Variants in ZNF813 observed in about 807,000 individuals in gnomAD.
ZNF813 encodes zinc finger protein 813.
ZNF813 carries 3 observed loss-of-function variants against 7.2 expected under a neutral mutation model. The ratio of observed to expected loss-of-function variants is 0.42; its 90% CI spans 0.19 to 1.08. The LOEUF (loss-of-function observed/expected upper bound fraction) is 1.08. Among genes scored for constraint, ZNF813 ranks in the 50% least tolerant of loss-of-function variants. ZNF813 has a pLI of 0.30. For missense variants in ZNF813, 714 were observed against 753.3 expected, an observed-to-expected ratio of 0.95 and a Z score of 0.61; for synonymous variants, 227 against 256.3, an observed-to-expected ratio of 0.89 and a Z score of 1.09.
At position 53,486,633 on chromosome 19, in the gene ZNF813, G is replaced by A. The variant is rs1476930524; in HGVS notation, c.17G>A (p.Gly6Asp). ...CCTTAAAATGTGTTTTCATTTCAGGGTCTATTGACATTCAGGGATGTGGCC... is the reference window on the plus strand; with the variant it reads ...CCTTAAAATGTGTTTTCATTTCAGGATCTATTGACATTCAGGGATGTGGCC... MALPQ[G>D]LLTFRDVAIE... The change falls in exon 3 of 4, where the codon GGT becomes GAT. Residue 6 changes from glycine to aspartate, a missense_variant and splice_region_variant. Gly to Asp is a moderately conservative substitution (Grantham distance 94). Transcript: ENST00000396403. The A allele has an allele frequency of 1.2e-6, 2 of 1,613,988 alleles. No individual in the cohort carries two copies. The highest frequency in any genetic ancestry group is 1.7e-5 in the Admixed American group (1 of 60,012).
rs888471229 is a variant in ZNF813 at position 53,496,087 on chromosome 19, A to G, written c.*4001A>G. The G allele has an allele frequency of 3.0e-5, 8 of 268,060 alleles. No individual in the cohort carries two copies. Among genetic ancestry groups the G allele is most frequent in the South Asian group, 4.9e-5 (1 of 20,438 alleles). 16.6% of individuals were successfully genotyped at this position (268,060 alleles called of 1,614,324 possible). On this transcript the variant is annotated 3_prime_UTR_variant, in exon 4 of 4. Coordinates refer to ENST00000396403, the MANE Select transcript of ZNF813 (RefSeq NM_001004301.4). ...ATATTTATGCTGTGTGAGCATTACA[A>G]TCGCGTTACCATATCAAGCTGAAAA...
At chr19:53,479,091 C>T (rs1311928639) in intron 1 of ZNF813, among the ~76,000 whole-genome samples, 1 of 152,050 alleles carries the variant, frequency 6.6e-6, no homozygotes, top group Admixed American at 6.5e-5. Context: ...CACGCCACCA[C>T]ACCAGGCCAA....
At position 53,469,676 on chromosome 19, in the gene ZNF813, G is replaced by A. The variant is rs557835900; in HGVS notation, c.-74+1887G>A. ...GGCAGCAAAGAGGGAGGCTCATCAG[G>A]GTGAGGGAGAGGAGGAGGGATTTGG... is the stretch of plus-strand genomic sequence containing the variant. On this transcript the variant is annotated intron_variant, in intron 1 of 3. Transcript: ENST00000396403. Among the ~76,000 whole-genome samples, 302 of 151,762 alleles carry A rather than the reference G, an allele frequency of 2.0e-3. 1 individual carries two copies. Among genetic ancestry groups the A allele is most frequent in the Admixed American group, 4.5e-3 (68 of 15,184 alleles).
intron 3 of ZNF813, 126 bp downstream of exon 3, chr19:53,486,884 C>A: frequency 6.6e-7 from 1 of 1,519,032 alleles, no homozygotes. Context: ...TCATGGCTCA[C>A]TGCGATCTTG....
At chr19:53,481,156 C>T (rs1250762417) in intron 1 of ZNF813, among the ~76,000 whole-genome samples, 13 of 152,028 alleles carry the variant, frequency 8.6e-5, no homozygotes, top group Admixed American at 8.5e-4. Context: ...AAGATACAAT[C>T]ATTTTATGAG....
Position 53,483,212 on chromosome 19 carries a change from AT to A in ZNF813, c.-73-533del, listed in dbSNP as rs578100610. ...GGCACGAGCCACCGTGCCCGGCTCA[AT>A]TTTTGTATTTTTAGTAGAGACAGGG... On this transcript the variant is annotated intron_variant, in intron 1 of 3. Coordinates refer to ENST00000396403, the MANE Select transcript of ZNF813 (RefSeq NM_001004301.4). Among the ~76,000 whole-genome samples the A allele has an allele frequency of 4.0e-3, 605 of 150,922 alleles. 3 individuals carry two copies. The highest frequency in any genetic ancestry group is 0.014 in the African/African-American group (571 of 40,978).
intron 1 of ZNF813, among the ~76,000 whole-genome samples, chr19:53,478,271 G>C (rs1290813035): frequency 6.6e-6 from 1 of 152,092 alleles, no homozygotes; most frequent in Non-Finnish European, 1.5e-5. Context: ...CTGGGCTTAA[G>C]CGATCCTCCT....
chr19:53,486,901 T>C, intron 3 of ZNF813, 143 bp downstream of exon 3: 2 of 1,490,984 alleles, frequency 1.3e-6, no homozygotes, highest in East Asian at 4.7e-5. Context: ...CTTGAATTCC[T>C]GGGCTCAAGT....
intron 1 of ZNF813, among the ~76,000 whole-genome samples, chr19:53,469,721 G>A (rs971822287): frequency 2.5e-5 from 1 of 40,020 alleles, no homozygotes; most frequent in African/African-American, 8.5e-5. Flanking sequence ...AGACAGAGCA[G>A]AGTGGTGCTG....
At position 53,495,971 on chromosome 19, in the gene ZNF813, A is replaced by G; in HGVS notation, c.*3885A>G. On this transcript the variant is annotated 3_prime_UTR_variant, in exon 4 of 4. Transcript: ENST00000396403. ...CATTCCCCCAGTGGATTCAGATCAA[A>G]ACTGGTAATAAAATCAGGTACGACT... The G allele has an allele frequency of 2.7e-6, 1 of 373,454 alleles. No individual in the cohort carries two copies. The highest frequency in any genetic ancestry group is 5.2e-6 in the Non-Finnish European group (1 of 192,942). The allele number at this position is 373,454 out of a possible 1,614,324, so 23.1% of individuals were successfully genotyped here. A position where few individuals can be genotyped will look rare whatever the true frequency, so the allele number is the denominator to read the frequency against.
intron 2 of ZNF813, among the ~76,000 whole-genome samples, chr19:53,485,565 T>C (rs557402208): frequency 1.9e-4 from 25 of 131,658 alleles, no homozygotes; most frequent in South Asian, 1.0e-3. Flanking sequence ...TGTCATGACA[T>C]ATATACATGT....
chr19:53,471,376 T>C (rs2086358183), intron 1 of ZNF813, among the ~76,000 whole-genome samples: 1 of 152,166 alleles, frequency 6.6e-6, no homozygotes, highest in African/African-American at 2.4e-5. Context: ...TCTGGAGTCA[T>C]CTTTGCCTTG....
In ZNF813 at chr19:53,492,989, C is replaced by T; in HGVS notation, c.*903C>T. Reference sequence around the variant, plus strand: ...TCATCAGTGTGGCAAGGTTTTCAGTCTGACTTCACTCCTTGCAGAATATCA... The same window carrying T: ...TCATCAGTGTGGCAAGGTTTTCAGTTTGACTTCACTCCTTGCAGAATATCA... On this transcript the variant is annotated 3_prime_UTR_variant, in exon 4 of 4. Transcript: ENST00000396403. 1 of 454,252 alleles carries T rather than the reference C, an allele frequency of 2.2e-6. No homozygotes were observed. The highest frequency in any genetic ancestry group is 1.6e-5 in the South Asian group (1 of 62,564). 28.1% of individuals were successfully genotyped at this position (454,252 alleles called of 1,614,324 possible).
intron 1 of ZNF813, 51 bp from the exon 2 acceptor site, chr19:53,483,699 G>A (rs2086420029): frequency 1.3e-6 from 2 of 1,545,802 alleles, no homozygotes; most frequent in Admixed American, 3.5e-5. Flanking sequence ...TGTGTTACAG[G>A]GAGGGGATGT....
chr19:53,496,119 C>T lies in ZNF813; in HGVS notation c.*4033C>T. ...TACCATATCAAGCTGAAAATGTCAC[C>T]ACTATCTGGAGTGTTGGAAATGTTT... On this transcript the variant is annotated 3_prime_UTR_variant, in exon 4 of 4. Coordinates refer to ENST00000396403, the MANE Select transcript of ZNF813 (RefSeq NM_001004301.4). 4.1e-6 allele frequency: 1 copy of T among 243,730 alleles called. No individual in the cohort carries two copies. The highest frequency in any genetic ancestry group is 8.4e-6 in the Non-Finnish European group (1 of 118,834). 15.1% of individuals were successfully genotyped at this position (243,730 alleles called of 1,614,324 possible). A position where few individuals can be genotyped will look rare whatever the true frequency, so the allele number is the denominator to read the frequency against.
intron 3 of ZNF813, among the ~76,000 whole-genome samples, chr19:53,489,802 G>A (rs1016439178): frequency 2.6e-5 from 4 of 151,924 alleles, no homozygotes; most frequent in Non-Finnish European, 5.9e-5. Flanking sequence ...GGGTTCAAGC[G>A]ATTCTTGTGC....
At chr19:53,482,637 C>T (rs1222950354) in intron 1 of ZNF813, among the ~76,000 whole-genome samples, 8 of 146,756 alleles carry the variant, frequency 5.5e-5, no homozygotes, top group African/African-American at 2.0e-4. Flanking sequence ...ATCTGATGTT[C>T]CCTCTGCCCG....
At chr19:53,478,830 A>G (rs1025182856) in intron 1 of ZNF813, among the ~76,000 whole-genome samples, 2 of 152,158 alleles carry the variant, frequency 1.3e-5, no homozygotes, top group African/African-American at 4.8e-5. Context: ...AGGGACATCA[A>G]AAGTACATTT....
intron 1 of ZNF813, among the ~76,000 whole-genome samples, chr19:53,478,037 T>C (rs2086389866): frequency 6.6e-6 from 1 of 152,220 alleles, no homozygotes; most frequent in Non-Finnish European, 1.5e-5. Context: ...TTGGAATCCC[T>C]ATTCAGCCAG....
Sources: allele counts gnomAD v4.1 joint callset (sites outside exome capture counted in the v4.1 genomes callset), GRCh38; gene constraint gnomAD v4.1.1; transcripts MANE v1.5; gene names NCBI Gene and HGNC (gene_info 2026-07-23, HGNC 2026-07-21).